The following CUX2 variants were observed in gnomAD, a reference collection of about 807,000 sequenced individuals.
CUX2 encodes the protein homeobox protein cut-like 2.
In CUX2, 40 loss-of-function variants were observed where a neutral mutation model predicts 144.8. The ratio of observed to expected loss-of-function variants is 0.28; its 90% CI spans 0.21 to 0.36. CUX2 has a LOEUF of 0.36. CUX2 is among the 10% of genes least tolerant of loss of function. The pLI is 1.00. For missense variants in CUX2, 1,615 were observed against 1,994.0 expected (o/e 0.81, Z 3.62); for synonymous variants, 827 against 875.6 (o/e 0.94, Z 0.98).
At chr12:111,204,120 T>C (rs1266080904) in intron 1 of CUX2, among the ~76,000 whole-genome samples, 1 of 152,202 alleles carries the variant, frequency 6.6e-6, no homozygotes, top group Admixed American at 6.5e-5. Context: ...GGCTGCATTT[T>C]GCAGCAGTGA....
chr12:111,200,274 T>C (rs530920734), intron 1 of CUX2, among the ~76,000 whole-genome samples: 3 of 152,170 alleles, frequency 2.0e-5, no homozygotes, highest in Admixed American at 2.0e-4. Context: ...GGGTCTCGGG[T>C]GCAGCTTCAG....
rs200404133 is a variant in CUX2 at position 111,257,668 on chromosome 12, TC to T, written c.223-6087del. On this transcript the variant is annotated intron_variant, in intron 3 of 21. Transcript: ENST00000261726. ...CCTCCTCCTTCCTCCTCCTCCCTCT[TC>T]CCCCCTCTTCCTCCCTCCTCCTTCC... Among the ~76,000 whole-genome samples the T allele has an allele frequency of 7.1e-3, 806 of 113,360 alleles. 14 individuals are homozygous for T. Among genetic ancestry groups the T allele is most frequent in the African/African-American group, 0.027 (761 of 28,704 alleles). The allele number at this position is 113,360 out of a possible 152,430, so 74.4% of individuals were successfully genotyped here. A position where few individuals can be genotyped will look rare whatever the true frequency, so the allele number is the denominator to read the frequency against.
At chr12:111,265,697 C>T (rs1884352143) in intron 4 of CUX2, among the ~76,000 whole-genome samples, 1 of 152,056 alleles carries the variant, frequency 6.6e-6, no homozygotes, top group African/African-American at 2.4e-5. Context: ...CATTTACTGA[C>T]CCAGAAACAG....
In CUX2 at chr12:111,178,935, C is replaced by T. The variant is rs768837556; in HGVS notation, c.64-35265C>T. On this transcript the variant is annotated intron_variant, in intron 1 of 21. Transcript: ENST00000261726. This position sits in a 1 kb window ranked among gnomAD's most constrained non-coding sequence, Gnocchi z 5.7. ...TGACAGCAAGGGGGTCAGCGGTCGG[C>T]GCAGGGGAAAGCAGGGCTGAGAGAG... Among the ~76,000 whole-genome samples the T allele has an allele frequency of 1.8e-4, 27 of 152,122 alleles. No individual in the cohort carries two copies. The highest frequency in any genetic ancestry group is 4.6e-4 in the Admixed American group (7 of 15,288).
At chr12:111,158,723 T>C (rs1877553674) in intron 1 of CUX2, among the ~76,000 whole-genome samples, 1 of 152,114 alleles carries the variant, frequency 6.6e-6, no homozygotes, top group African/African-American at 2.4e-5. Flanking sequence ...GATTATTATA[T>C]TGAATAGGGC....
chr12:111,035,025 G>T lies in CUX2; in HGVS notation c.63+785G>T, dbSNP rs906504994. The stretch of plus-strand genomic sequence containing the variant: ...CTAGATGCAGACGGGCGGTGGAGGT[G>T]GGCCCGGGCGCTCGCAAGTTTGCGC... On this transcript the variant is annotated intron_variant, in intron 1 of 21. Coordinates refer to ENST00000261726, the MANE Select transcript of CUX2 (RefSeq NM_015267.4). The surrounding 1 kb of genome is among the most constrained non-coding windows in gnomAD (Gnocchi z 6.0). Among the ~76,000 whole-genome samples, 1 of 152,070 alleles carries T rather than the reference G, an allele frequency of 6.6e-6. No homozygotes were observed. Among genetic ancestry groups the T allele is most frequent in the African/African-American group, 2.4e-5 (1 of 41,422 alleles).
At chr12:111,126,035 G>A (rs1260973189) in intron 1 of CUX2, among the ~76,000 whole-genome samples, 2 of 148,546 alleles carry the variant, frequency 1.3e-5, no homozygotes, top group Admixed American at 6.6e-5. Flanking sequence ...TGTATGTGGG[G>A]TGGTGGCGTG....
chr12:111,142,596 G>C (rs1472325608), intron 1 of CUX2, among the ~76,000 whole-genome samples: 1 of 151,846 alleles, frequency 6.6e-6, no homozygotes, highest in Admixed American at 6.6e-5. Flanking sequence ...TCCATTAGGG[G>C]CCTTTGATTT....
At chr12:111,087,035 G>A (rs999588978) in intron 1 of CUX2, among the ~76,000 whole-genome samples, 18 of 152,128 alleles carry the variant, frequency 1.2e-4, no homozygotes, top group Admixed American at 1.2e-3. Flanking sequence ...GACATAGTAA[G>A]TTATTCTACC....
At chr12:111,222,446 C>T (rs1881903988) in intron 3 of CUX2, among the ~76,000 whole-genome samples, 1 of 152,210 alleles carries the variant, frequency 6.6e-6, no homozygotes, top group Admixed American at 6.5e-5. Context: ...TTTTCTTCCA[C>T]CATAAAGGGG....
intron 1 of CUX2, among the ~76,000 whole-genome samples, chr12:111,200,843 C>T (rs530960173): frequency 7.9e-5 from 12 of 152,294 alleles, no homozygotes; most frequent in African/African-American, 2.6e-4. Context: ...CTTCCATCTT[C>T]GTGCTTACAA....
At chr12:111,136,920 A>G (rs931915174) in intron 1 of CUX2, among the ~76,000 whole-genome samples, 1 of 150,976 alleles carries the variant, frequency 6.6e-6, no homozygotes, top group African/African-American at 2.4e-5. Flanking sequence ...TGGTCTAAGA[A>G]TCCGCTGTTT....
chr12:111,265,238 T>C (rs1884323076), intron 4 of CUX2, among the ~76,000 whole-genome samples: 1 of 152,054 alleles, frequency 6.6e-6, no homozygotes, highest in African/African-American at 2.4e-5. Flanking sequence ...TTGAGAACAT[T>C]TGGTTGTACA....
chr12:111,181,607 C>CG (rs1203208955), intron 1 of CUX2, among the ~76,000 whole-genome samples: 2 of 151,414 alleles, frequency 1.3e-5, no homozygotes, highest in African/African-American at 4.8e-5. Context: ...CTGCCCGAGC[C>CG]GGCGAGGGCC....
At chr12:111,184,445 A>G (rs2136185599) in intron 1 of CUX2, among the ~76,000 whole-genome samples, 1 of 152,196 alleles carries the variant, frequency 6.6e-6, no homozygotes, top group South Asian at 2.1e-4. Flanking sequence ...ACTCATCCAT[A>G]CAAAATATTC....
chr12:111,275,444 G>A (rs1329351722), intron 4 of CUX2, among the ~76,000 whole-genome samples: 7 of 152,190 alleles, frequency 4.6e-5, no homozygotes, highest in African/African-American at 7.2e-5. Context: ...ATGAAGTCCC[G>A]CTCACACCCC....
chr12:111,047,971 G>A (rs2136008455), intron 1 of CUX2, among the ~76,000 whole-genome samples: 1 of 152,328 alleles, frequency 6.6e-6, no homozygotes, highest in Admixed American at 6.5e-5. Context: ...ACAGCTCCAG[G>A]AGGAGCCTGT....
In CUX2 at chr12:111,263,828, T is replaced by C; in HGVS notation, c.290T>C (p.Ile97Thr). The change falls in exon 4 of 22, where the codon ATT (isoleucine) becomes ACT (threonine). Residue 97 changes from isoleucine to threonine, a missense_variant. This residue lies in a region of CUX2 where 295 missense variants were observed against 400.2 expected (regional missense o/e 0.74). Transcript: ENST00000261726. This position sits in a 1 kb window ranked among gnomAD's most constrained non-coding sequence, Gnocchi z 4.0. ...TTTCTGAGTGTTTACAAGCAATTAA[T>C]TGAAGCACCAGGTAAGAAATGCTTG... ...AAFLSVYKQL[I>T]EAPDPVPVFE... 1 of 1,613,986 alleles carries C rather than the reference T, an allele frequency of 6.2e-7. No homozygotes were observed. Among genetic ancestry groups the C allele is most frequent in the Non-Finnish European group, 8.5e-7 (1 of 1,179,852 alleles).
At chr12:111,088,091 G>A (rs558889420) in intron 1 of CUX2, among the ~76,000 whole-genome samples, 1 of 152,200 alleles carries the variant, frequency 6.6e-6, no homozygotes, top group African/African-American at 2.4e-5. Context: ...TAGCATTCCC[G>A]AAAAGACAAG....
Sources: gnomAD v4.1 joint callset for allele counts (sites outside exome capture counted in the v4.1 genomes callset) on GRCh38, gnomAD v4.1.1 for gene constraint, gnomAD v4.1.1 regional missense constraint, Gnocchi (gnomAD v3.1) non-coding constraint, MANE v1.5 for transcripts, NCBI Gene and HGNC (gene_info 2026-07-23, HGNC 2026-07-21) for gene names.